FHIT: variants seen among roughly 807,000 people sequenced by gnomAD.
FHIT encodes the protein fragile histidine triad diadenosine triphosphatase, also known as bis(5'-adenosyl)-triphosphatase.
Under a neutral mutation model 17.9 loss-of-function variants are expected in FHIT, and 19 were observed. The observed-to-expected ratio is 1.06, with a 90% CI of 0.74 to 1.56. FHIT has a LOEUF of 1.56. Ranked by LOEUF, FHIT falls within the 40% of genes most tolerant of loss-of-function variation. FHIT has a pLI of 0.00. For missense variants in FHIT, 248 were observed against 189.2 expected, an observed-to-expected ratio of 1.31 and a Z score of -1.82; for synonymous variants, 81 against 69.7, an observed-to-expected ratio of 1.16 and a Z score of -0.81.
chr3:61,041,338 C>T (rs924661036), intron 3 of FHIT, among the ~76,000 whole-genome samples: 1 of 151,666 alleles, frequency 6.6e-6, no homozygotes, highest in African/African-American at 2.4e-5. Context: ...GATCACGCCA[C>T]TGCACTGCAG....
chr3:61,027,254 T>C (rs2032782445), intron 3 of FHIT, among the ~76,000 whole-genome samples: 1 of 152,086 alleles, frequency 6.6e-6, no homozygotes, highest in African/African-American at 2.4e-5. Flanking sequence ...ACCTGGCAAA[T>C]TTTTGTAGTT....
intron 5 of FHIT, chr3:60,536,401 G>A (rs2035982884): frequency 6.5e-6 from 1 of 153,232 alleles, no homozygotes; most frequent in Non-Finnish European, 1.5e-5. Flanking sequence ...CAACTTGAAT[G>A]ATCTCCAAGA....
At chr3:60,658,045 A>G (rs1054719732) in intron 4 of FHIT, among the ~76,000 whole-genome samples, 3 of 152,022 alleles carry the variant, frequency 2.0e-5, no homozygotes, top group African/African-American at 7.2e-5. Flanking sequence ...TATCTCCAGA[A>G]CTCTTCATCT....
chr3:61,151,826 G>A (rs56208358), intron 2 of FHIT, among the ~76,000 whole-genome samples: 15,639 of 151,858 alleles, frequency 0.1, 909 homozygotes, highest in South Asian at 0.21. Context: ...AATAAAACCC[G>A]CCCACCTAGG....
chr3:60,978,581 T>C (rs1005835053), intron 3 of FHIT, among the ~76,000 whole-genome samples: 8 of 152,234 alleles, frequency 5.3e-5, no homozygotes, highest in African/African-American at 1.9e-4. Context: ...ATTCCAACTC[T>C]GCAACTGATT....
chr3:60,035,318 C>G (rs894894304), intron 5 of FHIT, among the ~76,000 whole-genome samples: 1 of 152,216 alleles, frequency 6.6e-6, no homozygotes, highest in African/African-American at 2.4e-5. Context: ...CTCACTGCAA[C>G]CCCTGCCTCC....
intron 7 of FHIT, among the ~76,000 whole-genome samples, chr3:59,978,192 T>C (rs951658753): frequency 2.2e-4 from 33 of 152,132 alleles, no homozygotes; most frequent in African/African-American, 7.7e-4. Context: ...TCCAGTTGCA[T>C]GGCTAATAAC....
At chr3:61,012,374 T>C (rs964451386) in intron 3 of FHIT, among the ~76,000 whole-genome samples, 6 of 152,182 alleles carry the variant, frequency 3.9e-5, no homozygotes, top group East Asian at 1.9e-4. Flanking sequence ...GTAGAACTAA[T>C]TGAGTTGTCA....
chr3:61,115,564 T>G (rs1049220831), intron 2 of FHIT, among the ~76,000 whole-genome samples: 2 of 152,130 alleles, frequency 1.3e-5, no homozygotes, highest in Non-Finnish European at 2.9e-5. Context: ...AATAAGCTGC[T>G]GATAAAATGG....
At chr3:60,623,470 T>C (rs1490454525) in intron 4 of FHIT, among the ~76,000 whole-genome samples, 2 of 152,220 alleles carry the variant, frequency 1.3e-5, no homozygotes, top group Non-Finnish European at 2.9e-5. Flanking sequence ...CCCATCATTT[T>C]AGCTGTAAAA....
In FHIT at chr3:60,309,451, G is replaced by C. The variant is rs533261448; in HGVS notation, c.103+227409C>G. Among the ~76,000 whole-genome samples the C allele has an allele frequency of 1.2e-4, 18 of 152,194 alleles. No individual in the cohort carries two copies. In the South Asian group the frequency reaches 3.3e-3, roughly 28 times the overall value. ...TGAACACTAAAAAAAATACACTGCA[G>C]AATGATTATGACAGTCCCAAGATGA... On this transcript the variant is annotated intron_variant, in intron 5 of 9. Coordinates refer to ENST00000492590, the MANE Select transcript of FHIT (RefSeq NM_002012.4).
At chr3:60,550,993 A>C (rs1283976293) in intron 4 of FHIT, among the ~76,000 whole-genome samples, 1 of 152,190 alleles carries the variant, frequency 6.6e-6, no homozygotes, top group African/African-American at 2.4e-5. Context: ...GTCAAAGGAA[A>C]GGGGAATCTC....
intron 5 of FHIT, among the ~76,000 whole-genome samples, chr3:60,041,361 T>C (rs1701432262): frequency 6.6e-6 from 1 of 152,240 alleles, no homozygotes; most frequent in Non-Finnish European, 1.5e-5. Context: ...TTTATGTTTT[T>C]TTCTTGAGCC....
At chr3:60,286,516 A>G (rs1707737411) in intron 5 of FHIT, among the ~76,000 whole-genome samples, 1 of 152,186 alleles carries the variant, frequency 6.6e-6, no homozygotes, top group African/African-American at 2.4e-5. Flanking sequence ...TCAGTTAAGT[A>G]ATTTACAGTA....
At chr3:60,003,532 G>A (rs1699807402) in intron 7 of FHIT, among the ~76,000 whole-genome samples, 1 of 152,090 alleles carries the variant, frequency 6.6e-6, no homozygotes, top group South Asian at 2.1e-4. Context: ...ATCACTTGAT[G>A]TCAGGAGTTT....
intron 5 of FHIT, among the ~76,000 whole-genome samples, chr3:60,430,814 G>C (rs1996828): frequency 6.6e-6 from 1 of 151,894 alleles, no homozygotes; most frequent in East Asian, 1.9e-4. Context: ...ATTGCTTCCA[G>C]CAGTTTTCAT....
rs116814570 is a variant in FHIT at position 60,553,792 on chromosome 3, A to G, written c.-17-16813T>C. On this transcript the variant is annotated intron_variant, in intron 4 of 9. Coordinates refer to ENST00000492590, the MANE Select transcript of FHIT (RefSeq NM_002012.4). ...GCCTAGAGCTTTGTGTTTGTACAAA[A>G]TATCAGGGAAAAGCCAAGCACAGTG... Among the ~76,000 whole-genome samples, 1,237 of 152,186 alleles carry G rather than the reference A, an allele frequency of 8.1e-3. 27 individuals are homozygous for G. The highest frequency in any genetic ancestry group is 0.028 in the African/African-American group (1,182 of 41,516).
chr3:60,518,812 C>T (rs769657218), intron 5 of FHIT, among the ~76,000 whole-genome samples: 2 of 152,072 alleles, frequency 1.3e-5, no homozygotes, highest in Non-Finnish European at 2.9e-5. Flanking sequence ...AGTTTGAGAC[C>T]AGCCTGGCCA....
intron 5 of FHIT, among the ~76,000 whole-genome samples, chr3:60,381,891 G>T (rs1325747970): frequency 6.6e-6 from 1 of 152,140 alleles, no homozygotes; most frequent in Non-Finnish European, 1.5e-5. Flanking sequence ...ATGTGTCTCA[G>T]AAAATGTGTC....
Sources: gnomAD v4.1 joint callset for allele counts (sites outside exome capture counted in the v4.1 genomes callset) on GRCh38, gnomAD v4.1.1 for gene constraint, MANE v1.5 for transcripts, NCBI Gene and HGNC (gene_info 2026-07-23, HGNC 2026-07-21) for gene names.